Variants in GALNT10 observed in about 807,000 individuals in gnomAD.
GALNT10 encodes the protein polypeptide N-acetylgalactosaminyltransferase 10.
A neutral mutation model predicts 75.0 loss-of-function variants in GALNT10; 41 were observed. That is an observed-to-expected ratio of 0.55 (90% CI 0.43 to 0.71). The LOEUF is 0.71. GALNT10 is among the 30% of genes least tolerant of loss of function. GALNT10 has a pLI of 0.00. For synonymous variants in GALNT10, 302 were observed against 313.0 expected (o/e 0.96, Z 0.37); for missense variants, 727 against 818.5 (o/e 0.89, Z 1.36).
intron 1 of GALNT10, among the ~76,000 whole-genome samples, chr5:154,266,564 G>A (rs1753776951): frequency 8.1e-6 from 1 of 123,146 alleles, no homozygotes. Flanking sequence ...TAAAATTAAA[G>A]ACTATCATTA....
chr5:154,212,462 C>T (rs578189828), intron 1 of GALNT10, among the ~76,000 whole-genome samples: 1 of 152,374 alleles, frequency 6.6e-6, no homozygotes, highest in South Asian at 2.1e-4. Flanking sequence ...AATATTAATA[C>T]TTCACTTACG....
chr5:154,385,883 G>A (rs1396517777), intron 6 of GALNT10, among the ~76,000 whole-genome samples: 1 of 152,184 alleles, frequency 6.6e-6, no homozygotes, highest in African/African-American at 2.4e-5. Flanking sequence ...GTTTCAGCAG[G>A]TCTGAGGTGG....
rs1398795324 is a variant in GALNT10, at chr5:154,420,623, T to A, written c.*3651T>A. ...GGACACTCTTTGTGAAAAATCCAAG[T>A]AATATTTTAGTTCAAACTTGATCTT... On this transcript the variant is annotated 3_prime_UTR_variant, in exon 12 of 12. Transcript: ENST00000297107. 6.6e-6 allele frequency: 1 copy of A among 152,232 alleles called. No individual in the cohort carries two copies. Among genetic ancestry groups the A allele is most frequent in the Non-Finnish European group, 1.5e-5 (1 of 68,040 alleles). The allele number at this position is 152,232 out of a possible 1,614,324, so 9.4% of individuals were successfully genotyped here. A position where few individuals can be genotyped will look rare whatever the true frequency, so the allele number is the denominator to read the frequency against.
At chr5:154,362,983 A>C (rs1375636829) in intron 4 of GALNT10, among the ~76,000 whole-genome samples, 1 of 152,234 alleles carries the variant, frequency 6.6e-6, no homozygotes, top group Non-Finnish European at 1.5e-5. Context: ...CCACTTGGGC[A>C]GAAGAACTCT....
chr5:154,409,567 G>A lies in GALNT10; in HGVS notation c.1191G>A (p.Trp397Ter), dbSNP rs199954427. Reference sequence around the variant, plus strand: ...ACCTTAAGCGGGTGGCCGAAGTGTGGATGGATGAGTACGCAGAGTACATTT... The same window carrying A: ...ACCTTAAGCGGGTGGCCGAAGTGTGAATGGATGAGTACGCAGAGTACATTT... ...ARNLKRVAEV[W>*]MDEYAEYIYQ... The change falls in exon 9 of 12, where the codon TGG becomes TGA. Residue 397 changes from tryptophan to a stop codon, truncating the protein, a stop_gained. Transcript: ENST00000297107. LOFTEE classifies it high-confidence loss of function. This position sits in a 1 kb window ranked among gnomAD's most constrained non-coding sequence, Gnocchi z 4.5. The A allele has an allele frequency of 2.5e-6, 4 of 1,613,728 alleles. No individual in the cohort carries two copies. The highest frequency in any genetic ancestry group is 1.3e-5 in the African/African-American group (1 of 75,032).
chr5:154,354,151 A>G (rs1355657544), intron 4 of GALNT10, among the ~76,000 whole-genome samples: 1 of 152,206 alleles, frequency 6.6e-6, no homozygotes, highest in Non-Finnish European at 1.5e-5. Flanking sequence ...TTCCAAAAGC[A>G]TCAGTGTTTG....
At chr5:154,211,173 A>G (rs1490372452) in intron 1 of GALNT10, among the ~76,000 whole-genome samples, 1 of 152,204 alleles carries the variant, frequency 6.6e-6, no homozygotes, top group South Asian at 2.1e-4. Context: ...TAAAGGCAGG[A>G]GGGCAGGAAA....
intron 1 of GALNT10, among the ~76,000 whole-genome samples, chr5:154,242,119 C>T (rs1463287881): frequency 6.6e-6 from 1 of 152,148 alleles, no homozygotes; most frequent in Admixed American, 6.5e-5. Context: ...AAAATGGAAT[C>T]TCAGGGAACT....
chr5:154,240,659 G>A (rs1941288494), intron 1 of GALNT10, among the ~76,000 whole-genome samples: 1 of 152,178 alleles, frequency 6.6e-6, no homozygotes, highest in African/African-American at 2.4e-5. Flanking sequence ...TTTTGTGGCT[G>A]GGGAAGTTGG....
rs751597207 is a variant in GALNT10 at position 154,345,628 on chromosome 5, C to CTT, written c.568+15913_568+15914dup. ...GTTGTTACAAGCAGCAAATTTCCAC[C>CTT]TTTTTTTTTTTTTTTTTTTTTTTTA... On this transcript the variant is annotated intron_variant, in intron 4 of 11. Coordinates refer to ENST00000297107, the MANE Select transcript of GALNT10 (RefSeq NM_198321.4). Among the ~76,000 whole-genome samples the CTT allele has an allele frequency of 6.5e-3, 767 of 118,504 alleles. 16 individuals are homozygous for CTT. The highest frequency in any genetic ancestry group is 0.024 in the African/African-American group (696 of 29,476). 77.7% of individuals were successfully genotyped at this position (118,504 alleles called of 152,430 possible).
At position 154,417,126 on chromosome 5, in the gene GALNT10, T is replaced by G. The variant is rs1015412587; in HGVS notation, c.*154T>G. 19 of 658,408 alleles carry G rather than the reference T, an allele frequency of 2.9e-5. No individual in the cohort carries two copies. Among genetic ancestry groups the G allele is most frequent in the Non-Finnish European group, 4.4e-5 (17 of 382,406 alleles). The allele number at this position is 658,408 out of a possible 1,614,324, so 40.8% of individuals were successfully genotyped here. A position where few individuals can be genotyped will look rare whatever the true frequency, so the allele number is the denominator to read the frequency against. On this transcript the variant is annotated 3_prime_UTR_variant, in exon 12 of 12. Transcript: ENST00000297107. Reference sequence around the variant, plus strand: ...GGCTCTTGATTCAGGGGCTGGGGTCTGCCTGGTCCTTGAGCCCCTGAGTTG... The same window carrying G: ...GGCTCTTGATTCAGGGGCTGGGGTCGGCCTGGTCCTTGAGCCCCTGAGTTG...
chr5:154,415,718 A>C, intron 10 of GALNT10, 65 bp from the exon 11 acceptor site: 2 of 1,462,970 alleles, frequency 1.4e-6, no homozygotes, highest in South Asian at 2.5e-5. Flanking sequence ...ATAATTTAAA[A>C]AAAATGGAGA....
At chr5:154,333,890 G>A (rs952219584) in intron 4 of GALNT10, among the ~76,000 whole-genome samples, 1 of 152,170 alleles carries the variant, frequency 6.6e-6, no homozygotes, top group Admixed American at 6.5e-5. Context: ...CATTATTCTT[G>A]TTTCAAGAAG....
chr5:154,240,695 A>G (rs2113667948), intron 1 of GALNT10, among the ~76,000 whole-genome samples: 1 of 152,342 alleles, frequency 6.6e-6, no homozygotes, highest in East Asian at 1.9e-4. Flanking sequence ...TGTAGCTGAA[A>G]GTATTTTATT....
chr5:154,247,478 T>C (rs1265729511), intron 1 of GALNT10, among the ~76,000 whole-genome samples: 1 of 152,218 alleles, frequency 6.6e-6, no homozygotes, highest in African/African-American at 2.4e-5. Flanking sequence ...GTATCCTCTT[T>C]TATTTCATTG....
At chr5:154,320,440 C>T (rs1316552892) in intron 3 of GALNT10, among the ~76,000 whole-genome samples, 4 of 152,116 alleles carry the variant, frequency 2.6e-5, no homozygotes, top group South Asian at 4.2e-4. Context: ...GTATTTCACC[C>T]GTGGACCCCA....
chr5:154,203,141 C>T (rs1352033648), intron 1 of GALNT10, among the ~76,000 whole-genome samples: 2 of 152,222 alleles, frequency 1.3e-5, no homozygotes, highest in Non-Finnish European at 2.9e-5. Context: ...TTTCCTCCCT[C>T]TGTGACTTGT....
At chr5:154,354,936 A>C (rs531603783) in intron 4 of GALNT10, among the ~76,000 whole-genome samples, 2 of 152,176 alleles carry the variant, frequency 1.3e-5, no homozygotes. Context: ...CTCCAAGTCC[A>C]TGTGATAAAT....
In GALNT10 at chr5:154,329,669, AGT is replaced by A. The variant is rs1489179653; in HGVS notation, c.503_504del (p.Val168AlafsTer20). 5.6e-6 allele frequency: 9 copies of A among 1,613,332 alleles called. No homozygotes were observed. The highest frequency in any genetic ancestry group is 2.7e-5 in the African/African-American group (2 of 74,876). On this transcript the variant is annotated frameshift_variant, in exon 4 of 12. Transcript: ENST00000297107. LOFTEE classifies it high-confidence loss of function. ...GTCCTCCCTCCTCCGCACCGTCCAC[AGT>A]GTGCTCAATCGCTCGCCTCCAGAGC... ...GWSSLLRTVH[S>X]VLNRSPPELV...
Sources: allele counts gnomAD v4.1 joint callset (sites outside exome capture counted in the v4.1 genomes callset), GRCh38; gene constraint gnomAD v4.1.1; non-coding constraint Gnocchi (gnomAD v3.1); transcripts MANE v1.5; gene names NCBI Gene and HGNC (gene_info 2026-07-23, HGNC 2026-07-21).